The following PREX2 variants were observed in gnomAD, a reference collection of about 807,000 sequenced individuals.
The protein encoded by PREX2 is phosphatidylinositol 3,4,5-trisphosphate-dependent Rac exchanger 2 protein.
Under a neutral mutation model 203.2 loss-of-function variants are expected in PREX2, and 107 were observed. The observed-to-expected ratio is 0.53, with a 90% CI of 0.45 to 0.62. The LOEUF is 0.62. Ranked by LOEUF, PREX2 falls within the 20% of genes least tolerant of loss-of-function variation. The probability of loss-of-function intolerance (pLI) is 0.00; values close to 1 mark genes in which losing one functional copy is unlikely to be tolerated. For synonymous variants in PREX2, 672 were observed against 663.6 expected (o/e 1.01, Z -0.19); for missense variants, 1,777 against 1,955.9 (o/e 0.91, Z 1.72).
At chr8:68,072,955 C>G (rs1447094512) in intron 14 of PREX2, among the ~76,000 whole-genome samples, 1 of 151,808 alleles carries the variant, frequency 6.6e-6, no homozygotes, top group African/African-American at 2.4e-5. Flanking sequence ...GCCTTTTTCC[C>G]TTTTAGAAAA....
chr8:68,077,627 T>A (rs1453159612), intron 15 of PREX2, among the ~76,000 whole-genome samples, 158 bp downstream of exon 15: 1 of 152,204 alleles, frequency 6.6e-6, no homozygotes, highest in Non-Finnish European at 1.5e-5. Context: ...ACAACTGCAT[T>A]CAGTTTTACT....
intron 7 of PREX2, among the ~76,000 whole-genome samples, chr8:68,041,201 G>A (rs1050535451): frequency 3.9e-5 from 6 of 152,098 alleles, no homozygotes; most frequent in African/African-American, 1.4e-4. Context: ...TTTATTCCAG[G>A]TTCAGCATTT....
chr8:68,133,414 A>G (rs1481721612), intron 31 of PREX2, among the ~76,000 whole-genome samples: 1 of 152,168 alleles, frequency 6.6e-6, no homozygotes. Context: ...TATACAAATC[A>G]ATTCATACTA....
intron 38 of PREX2, among the ~76,000 whole-genome samples, chr8:68,218,477 A>G (rs1391077647): frequency 6.6e-6 from 1 of 152,232 alleles, no homozygotes; most frequent in Non-Finnish European, 1.5e-5. Context: ...TTTATATTTT[A>G]TTCTACCACC....
intron 17 of PREX2, among the ~76,000 whole-genome samples, chr8:68,081,730 T>A (rs1056204342): frequency 6.6e-6 from 1 of 152,206 alleles, no homozygotes; most frequent in Non-Finnish European, 1.5e-5. Flanking sequence ...AGTCTCCCTC[T>A]GTTGCCCAGG....
intron 14 of PREX2, among the ~76,000 whole-genome samples, chr8:68,075,203 C>T (rs1809311035): frequency 6.6e-6 from 1 of 152,046 alleles, no homozygotes; most frequent in Non-Finnish European, 1.5e-5. Flanking sequence ...CATAGGAAAC[C>T]CAGAACATGT....
At chr8:68,063,470 T>C (rs1402191930) in intron 11 of PREX2, among the ~76,000 whole-genome samples, 1 of 152,156 alleles carries the variant, frequency 6.6e-6, no homozygotes, top group East Asian at 1.9e-4. Context: ...GCTGAGCCTC[T>C]GTCAGACCCT....
chr8:68,108,331 G>T lies in PREX2; in HGVS notation c.2938G>T (p.Gly980Trp). 6.2e-7 allele frequency: 1 copy of T among 1,610,686 alleles called. No homozygotes were observed. The highest frequency in any genetic ancestry group is 1.1e-5 in the South Asian group (1 of 90,796). Reference protein sequence around the residue: ...HDKENKSSEQGKLSPMVYIQH... With the variant: ...HDKENKSSEQWKLSPMVYIQH... ...TAAAGAAAACAAATCTTCGGAGCAA[G>T]GTATGCTAGCTTTTGCAACTTTATC... The change falls in exon 24 of 40, where the codon GGG becomes TGG. Residue 980 changes from glycine (G) to tryptophan (W), a missense_variant and splice_region_variant. Transcript: ENST00000288368.
chr8:68,108,231 T>G lies in PREX2; in HGVS notation c.2838T>G (p.Ser946=), dbSNP rs1361294223. ...GCCATGTCAATGTGATGGAAGTTTC[T>G]TATCCCAAAACATCAACCTCTTTGG... The part of the protein sequence containing the change: ...TNCHVNVMEV[S]YPKTSTSLGS... Residue 946 remains serine, a synonymous_variant, in exon 24 of 40, where the codon TCT becomes TCG. Coordinates refer to ENST00000288368, the MANE Select transcript of PREX2 (RefSeq NM_024870.4). 1.9e-6 allele frequency: 3 copies of G among 1,614,040 alleles called. No individual in the cohort carries two copies. The highest frequency in any genetic ancestry group is 1.7e-6 in the Non-Finnish European group (2 of 1,179,938).
rs1456870829 is a variant in PREX2, at chr8:68,097,953, G to T, written c.2553+752G>T. Reference sequence around the variant, plus strand: ...TTTATTTCATAAAATTTCGGGAACTGTAGAGATCAGTTTATGAATAGATCC... The same window carrying T: ...TTTATTTCATAAAATTTCGGGAACTTTAGAGATCAGTTTATGAATAGATCC... On this transcript the variant is annotated intron_variant, in intron 22 of 39. Transcript: ENST00000288368. Among the ~76,000 whole-genome samples the T allele has an allele frequency of 2.0e-5, 3 of 152,190 alleles. No individual in the cohort carries two copies. The East Asian group carries it at 5.8e-4, about 29-fold the overall frequency.
intron 15 of PREX2, among the ~76,000 whole-genome samples, 165 bp downstream of exon 15, chr8:68,077,634 T>A (rs1277714563): frequency 6.6e-6 from 1 of 152,206 alleles, no homozygotes; most frequent in East Asian, 1.9e-4. Flanking sequence ...CATTCAGTTT[T>A]ACTGCTGGTG....
chr8:68,141,961 T>C (rs1811239406), intron 33 of PREX2, among the ~76,000 whole-genome samples: 1 of 152,186 alleles, frequency 6.6e-6, no homozygotes, highest in African/African-American at 2.4e-5. Flanking sequence ...ATGCACTTTT[T>C]AAAAAGCCTT....
At chr8:67,988,072 A>G (rs1439820827) in intron 1 of PREX2, among the ~76,000 whole-genome samples, 2 of 152,194 alleles carry the variant, frequency 1.3e-5, no homozygotes, top group Non-Finnish European at 2.9e-5. Context: ...TCCTTGTACC[A>G]TAGAAAATAT....
chr8:68,206,853 A>C lies in PREX2; in HGVS notation c.4605-10763A>C, dbSNP rs559493704. ...TCTGATGTCTTGACAGTGGAGCCGC[A>C]TTGGGAAGCCAGACAGCCGTAGTAT... On this transcript the variant is annotated intron_variant, in intron 37 of 39. Transcript: ENST00000288368. Among the ~76,000 whole-genome samples the C allele has an allele frequency of 2.0e-5, 3 of 152,246 alleles. No homozygotes were observed. The South Asian group carries it at 6.2e-4, about 32-fold the overall frequency.
chr8:68,134,390 T>C, intron 32 of PREX2, 114 bp downstream of exon 32: 8 of 749,986 alleles, frequency 1.1e-5, no homozygotes, highest in Non-Finnish European at 1.5e-5. Flanking sequence ...TGAATGTGCG[T>C]GCATTCAGCT....
At chr8:67,988,894 C>T (rs1289606389) in intron 1 of PREX2, among the ~76,000 whole-genome samples, 1 of 152,152 alleles carries the variant, frequency 6.6e-6, no homozygotes, top group Non-Finnish European at 1.5e-5. Context: ...CGTAGTGATC[C>T]TAGAACACCT....
At chr8:68,063,264 A>G (rs962529312) in intron 11 of PREX2, among the ~76,000 whole-genome samples, 1 of 152,198 alleles carries the variant, frequency 6.6e-6, no homozygotes, top group Non-Finnish European at 1.5e-5. Flanking sequence ...GTAGTTGTTT[A>G]CCAAATTGGT....
chr8:68,133,488 A>G (rs886680034), intron 31 of PREX2, among the ~76,000 whole-genome samples: 1 of 152,354 alleles, frequency 6.6e-6, no homozygotes, highest in Middle Eastern at 3.4e-3. Context: ...ATATTAGAAC[A>G]TACTTATAGC....
chr8:68,109,619 G>A lies in PREX2; in HGVS notation c.3142G>A (p.Asp1048Asn). ...GGTGGAGATGTGTGTTTGTCAAATA[G>A]ATGAGTAAGTGTTTTGTACTACACT... ...KEVEMCVCQI[D>N]DLLSSITYSP... The change falls in exon 25 of 40, where the codon GAT becomes AAT. Residue 1048 changes from aspartate to asparagine, a missense_variant. Asp to Asn is a conservative substitution (Grantham distance 23, BLOSUM62 1). Transcript: ENST00000288368. 1 of 1,613,344 alleles carries A rather than the reference G, an allele frequency of 6.2e-7. No homozygotes were observed. The highest frequency in any genetic ancestry group is 1.3e-5 in the African/African-American group (1 of 75,002).
Sources: allele counts gnomAD v4.1 joint callset (sites outside exome capture counted in the v4.1 genomes callset), GRCh38; gene constraint gnomAD v4.1.1; transcripts MANE v1.5; gene names NCBI Gene and HGNC (gene_info 2026-07-23, HGNC 2026-07-21).